Variants in ABCC8 observed in about 807,000 individuals in gnomAD.
The protein encoded by ABCC8 is ATP-binding cassette sub-family C member 8.
Under a neutral mutation model 188.0 loss-of-function variants are expected in ABCC8, and 137 were observed. That is an observed-to-expected ratio of 0.73 (90% CI 0.63 to 0.84). ABCC8 has a LOEUF of 0.84. Ranked by LOEUF, ABCC8 falls within the 40% of genes least tolerant of loss-of-function variation. The pLI is 0.00. For synonymous variants in ABCC8, 797 were observed against 846.5 expected, an observed-to-expected ratio of 0.94 and a Z score of 1.01; for missense variants, 1,750 against 2,072.7, an observed-to-expected ratio of 0.84 and a Z score of 3.02.
chr11:17,448,778 T>A, intron 7 of ABCC8, 107 bp from the exon 8 acceptor site: 1 of 1,590,432 alleles, frequency 6.3e-7, no homozygotes, highest in Non-Finnish European at 8.6e-7. Flanking sequence ...ACAGTCCCCA[T>A]GGTGCCCTAG....
intron 16 of ABCC8, among the ~76,000 whole-genome samples, chr11:17,419,283 A>G (rs1955225233): frequency 6.6e-6 from 1 of 152,198 alleles, no homozygotes; most frequent in Non-Finnish European, 1.5e-5. Context: ...CACAGCTGAA[A>G]GCATGAGTCT....
chr11:17,455,833 G>A (rs576191005), intron 6 of ABCC8, among the ~76,000 whole-genome samples: 41 of 151,820 alleles, frequency 2.7e-4, no homozygotes, highest in Non-Finnish European at 4.9e-4. Flanking sequence ...CAGCTACTTG[G>A]GAGGCTGGGC....
chr11:17,411,764 T>G (rs1954815607), intron 21 of ABCC8, among the ~76,000 whole-genome samples: 1 of 152,154 alleles, frequency 6.6e-6, no homozygotes, highest in Non-Finnish European at 1.5e-5. Flanking sequence ...CTGGGTGAGC[T>G]CTGTCTCCCT....
At chr11:17,396,335 C>T (rs1012966843) in intron 33 of ABCC8, 4 of 346,090 alleles carry the variant, frequency 1.2e-5, no homozygotes, top group Non-Finnish European at 2.2e-5. Flanking sequence ...CCTCTGATCC[C>T]GTTGCTTCCT....
Position 17,460,622 on chromosome 11 carries a change from G to A in ABCC8, c.877C>T (p.His293Tyr). The part of the protein sequence containing the change: ...GARAIWQALS[H>Y]AFGRRLVLSS... Reference sequence around the variant, plus strand: ...AGGACCAGGCGCCTCCCGAAGGCATGGCTGAGTGCCTGCCAGATGGCCCGG... The same window carrying A: ...AGGACCAGGCGCCTCCCGAAGGCATAGCTGAGTGCCTGCCAGATGGCCCGG... Residue 293 changes from histidine to tyrosine, a missense_variant, in exon 6 of 39, where the codon CAT becomes TAT. By Grantham distance (83) the His-to-Tyr change is moderately conservative. Coordinates refer to ENST00000389817, the MANE Select transcript of ABCC8 (RefSeq NM_000352.6). 6.2e-7 allele frequency: 1 copy of A among 1,612,734 alleles called. No homozygotes were observed. The highest frequency in any genetic ancestry group is 8.5e-7 in the Non-Finnish European group (1 of 1,180,038).
intron 10 of ABCC8, among the ~76,000 whole-genome samples, chr11:17,441,944 G>A (rs2133592553): frequency 1.3e-5 from 2 of 152,270 alleles, no homozygotes; most frequent in Middle Eastern, 6.8e-3. Flanking sequence ...GTCGGGTGTG[G>A]TGGTGTGTGC....
Position 17,461,599 on chromosome 11 carries a change from G to T in ABCC8, c.806C>A (p.Ala269Asp), listed in dbSNP as rs372930264. Residue 269 changes from alanine (A) to aspartate (D), a missense_variant, in exon 5 of 39, where the codon GCC (alanine) becomes GAC (aspartate). Coordinates refer to ENST00000389817, the MANE Select transcript of ABCC8 (RefSeq NM_000352.6). ...CCCACTGACCACCTGGGCGTCAAAGGCCTCGCAGAGCCGTTGGTAGTTGGT... is the reference window on the plus strand; with the variant it reads ...CCCACTGACCACCTGGGCGTCAAAGTCCTCGCAGAGCCGTTGGTAGTTGGT... ...ALTNYQRLCE[A>D]FDAQVRKDIQ... is the part of the protein sequence containing the mutation. The T allele has an allele frequency of 1.6e-5, 26 of 1,614,100 alleles. No homozygotes were observed. Among genetic ancestry groups the T allele is most frequent in the Non-Finnish European group, 2.2e-5 (26 of 1,180,048 alleles).
chr11:17,413,686 T>G, intron 19 of ABCC8: 1 of 954,352 alleles, frequency 1.0e-6, no homozygotes, highest in East Asian at 2.7e-5. Flanking sequence ...GGTTAAATAC[T>G]AGAAGGATGG....
At chr11:17,394,701 G>A (rs1033159354) in intron 36 of ABCC8, among the ~76,000 whole-genome samples, 1 of 152,144 alleles carries the variant, frequency 6.6e-6, no homozygotes, top group African/African-American at 2.4e-5. Context: ...GCCTTGGTAG[G>A]GTGATTCATT....
chr11:17,426,213 G>C (rs954067914), intron 16 of ABCC8, among the ~76,000 whole-genome samples: 2 of 152,146 alleles, frequency 1.3e-5, no homozygotes, highest in Admixed American at 1.3e-4. Flanking sequence ...TAATGGAATT[G>C]CTGGGTCAAA....
intron 10 of ABCC8, among the ~76,000 whole-genome samples, chr11:17,439,240 C>A (rs1956219094): frequency 6.7e-6 from 1 of 149,720 alleles, no homozygotes; most frequent in Non-Finnish European, 1.5e-5. Flanking sequence ...CTTTTCAGCC[C>A]CCTGTTTTAT....
intron 30 of ABCC8, 96 bp downstream of exon 30, chr11:17,398,243 G>C: frequency 1.3e-6 from 2 of 1,487,084 alleles, no homozygotes; most frequent in Non-Finnish European, 1.9e-6. Flanking sequence ...ACACGATCTG[G>C]TATCCTATCC....
rs150656431 is a variant in ABCC8, at chr11:17,410,308, G to A, written c.2694+208C>T. 156 of 579,268 alleles carry A rather than the reference G, an allele frequency of 2.7e-4. 1 individual carries two copies. The highest frequency in any genetic ancestry group is 2.6e-3 in the African/African-American group (139 of 53,762). 35.9% of individuals were successfully genotyped at this position (579,268 alleles called of 1,614,324 possible). On this transcript the variant is annotated intron_variant, in intron 22 of 38. Transcript: ENST00000389817. ...TGGGGGGCCCGGGCCAGGATGGGGA[G>A]TGTCTGTGGGTCTAGGTGATACCAA...
At chr11:17,470,497 A>T (rs2133712620) in intron 2 of ABCC8, among the ~76,000 whole-genome samples, 1 of 152,154 alleles carries the variant, frequency 6.6e-6, no homozygotes, top group East Asian at 1.9e-4. Flanking sequence ...AGGGGCCTGT[A>T]TGCCACAACT....
chr11:17,415,274 C>T, intron 18 of ABCC8, 30 bp downstream of exon 18: 1 of 1,600,386 alleles, frequency 6.2e-7, no homozygotes, highest in Non-Finnish European at 8.5e-7. Flanking sequence ...GGAGTTGACC[C>T]TGGGGGGCAA....
At chr11:17,417,041 G>T in intron 16 of ABCC8, 79 bp from the exon 17 acceptor site, 1 of 1,602,540 alleles carries the variant, frequency 6.2e-7, no homozygotes, top group South Asian at 1.1e-5. Flanking sequence ...AGTCTTAGGG[G>T]AGAAGCAATC....
downstream of ABCC8, chr11:17,392,818 G>A (rs1430041719): frequency 3.2e-5 from 24 of 743,408 alleles, no homozygotes; most frequent in Non-Finnish European, 5.0e-5. Flanking sequence ...TGATGTCAGA[G>A]CCAGGCTGGT....
At chr11:17,470,774 G>A (rs572446807) in intron 2 of ABCC8, among the ~76,000 whole-genome samples, 26 of 152,270 alleles carry the variant, frequency 1.7e-4, no homozygotes, top group South Asian at 1.2e-3. Flanking sequence ...CTCCTCTCTC[G>A]GGATGGGGAA....
intron 4 of ABCC8, 101 bp from the exon 5 acceptor site, chr11:17,461,926 T>C (rs1957208882): frequency 6.4e-7 from 1 of 1,561,604 alleles, no homozygotes; most frequent in African/African-American, 1.4e-5. Context: ...CCACACTTGA[T>C]CTCTAACAGA....
Sources: gnomAD v4.1 joint callset for allele counts (sites outside exome capture counted in the v4.1 genomes callset) on GRCh38, gnomAD v4.1.1 for gene constraint, MANE v1.5 for transcripts, NCBI Gene and HGNC (gene_info 2026-07-23, HGNC 2026-07-21) for gene names.